Variants in ZNF423 observed in about 807,000 individuals in gnomAD.
ZNF423 encodes Ebf-associated zinc finger protein.
In ZNF423, 12 loss-of-function variants were observed where a neutral mutation model predicts 95.8. That is an observed-to-expected ratio of 0.13 (90% CI 0.08 to 0.20). ZNF423 has a LOEUF of 0.20. Ranked by LOEUF, ZNF423 falls within the 10% of genes least tolerant of loss-of-function variation. The pLI, the probability that ZNF423 is intolerant of heterozygous loss-of-function variation, is 1.00. For synonymous variants in ZNF423, 749 were observed against 711.9 expected, an observed-to-expected ratio of 1.05 and a Z score of -0.83; for missense variants, 1,316 against 1,737.1, an observed-to-expected ratio of 0.76 and a Z score of 4.31.
intron 3 of ZNF423, among the ~76,000 whole-genome samples, chr16:49,680,090 C>T (rs894803048): frequency 3.9e-5 from 6 of 152,300 alleles, no homozygotes; most frequent in African/African-American, 1.4e-4. Flanking sequence ...AGGATCTACC[C>T]ACTGCGGTCT....
Position 49,855,025 on chromosome 16 carries a change from C to G in ZNF423, c.40+710G>C. The stretch of plus-strand genomic sequence containing the variant: ...GCTGAGCTCCCCTGAGGACCTGCGT[C>G]CCGCCGGCGCCGTGCAGACAATGAA... On this transcript the variant is annotated intron_variant, in intron 1 of 7. Transcript: ENST00000563137. This position sits in a 1 kb window ranked among gnomAD's most constrained non-coding sequence, Gnocchi z 4.7. The G allele has an allele frequency of 1.0e-6, 1 of 984,872 alleles. No individual in the cohort carries two copies. Among genetic ancestry groups the G allele is most frequent in the Non-Finnish European group, 1.2e-6 (1 of 829,668 alleles). 61.0% of individuals were successfully genotyped at this position (984,872 alleles called of 1,614,324 possible).
intron 5 of ZNF423, among the ~76,000 whole-genome samples, chr16:49,538,933 T>C (rs1296409918): frequency 6.6e-6 from 1 of 152,238 alleles, no homozygotes; most frequent in South Asian, 2.1e-4. Flanking sequence ...TAATACATTA[T>C]CTGAGGATGA....
At chr16:49,858,556 C>A (rs1201227627), upstream of ZNF423, among the ~76,000 whole-genome samples, 1 of 152,146 alleles carries the variant, frequency 6.6e-6, no homozygotes. The surrounding 1 kb of genome is among the most constrained non-coding windows in gnomAD (Gnocchi z 4.3). Context: ...GAGCGAGGCT[C>A]CCCAGAGGGG....
chr16:49,673,098 C>G (rs984002131), intron 3 of ZNF423, among the ~76,000 whole-genome samples: 4 of 152,142 alleles, frequency 2.6e-5, no homozygotes, highest in Admixed American at 2.6e-4. Flanking sequence ...TAATTACTCC[C>G]TACCTGACAC....
intron 5 of ZNF423, among the ~76,000 whole-genome samples, chr16:49,559,076 C>T (rs147264313): frequency 0.014 from 2,120 of 152,318 alleles, 24 homozygotes; most frequent in Admixed American, 0.02. Context: ...GTCAGCTGCC[C>T]CTTCCACCTT....
chr16:49,686,459 C>A (rs1040748250), intron 3 of ZNF423, among the ~76,000 whole-genome samples: 2 of 152,122 alleles, frequency 1.3e-5, no homozygotes, highest in African/African-American at 2.4e-5. Context: ...GTACAAAAAC[C>A]TTCTGGCCCT....
At chr16:49,614,246 G>A (rs1183376766) in intron 5 of ZNF423, among the ~76,000 whole-genome samples, 1 of 152,218 alleles carries the variant, frequency 6.6e-6, no homozygotes, top group Non-Finnish European at 1.5e-5. Context: ...AGCACAATGA[G>A]ATATCACAAT....
chr16:49,701,588 A>G (rs916643862), intron 3 of ZNF423, among the ~76,000 whole-genome samples: 4 of 152,030 alleles, frequency 2.6e-5, no homozygotes, highest in African/African-American at 9.7e-5. Context: ...AAGAGGGGAG[A>G]CCCAGGAGAG....
intron 3 of ZNF423, among the ~76,000 whole-genome samples, chr16:49,660,372 G>C (rs2030145142): frequency 6.7e-6 from 1 of 149,106 alleles, no homozygotes. Flanking sequence ...AATTCAGAAT[G>C]AGAAAATGAG....
intron 5 of ZNF423, among the ~76,000 whole-genome samples, chr16:49,556,632 T>G (rs1448441229): frequency 6.6e-6 from 1 of 152,198 alleles, no homozygotes. Flanking sequence ...AAACAAGAGT[T>G]CAGCCACTGG....
At chr16:49,628,295 CA>C (rs1972377928) in intron 4 of ZNF423, among the ~76,000 whole-genome samples, 1 of 151,614 alleles carries the variant, frequency 6.6e-6, no homozygotes. Flanking sequence ...TACACACACA[CA>C]TACCCATCTA....
At chr16:49,744,243 G>A (rs565727555) in intron 2 of ZNF423, among the ~76,000 whole-genome samples, 1 of 152,380 alleles carries the variant, frequency 6.6e-6, no homozygotes, top group East Asian at 1.9e-4. Context: ...GCAAGGCACA[G>A]AACAAAGCCA....
At chr16:49,854,207 A>C (rs900661577) in intron 1 of ZNF423, 13 of 985,274 alleles carry the variant, frequency 1.3e-5, no homozygotes, top group Non-Finnish European at 1.6e-5. Context: ...GAGACCAGCC[A>C]GGGTGAGGCG....
At chr16:49,659,237 C>T (rs1015754362) in intron 3 of ZNF423, among the ~76,000 whole-genome samples, 8 of 152,148 alleles carry the variant, frequency 5.3e-5, no homozygotes, top group Admixed American at 2.6e-4. Flanking sequence ...TACAGGTGTG[C>T]CACCACTCCT....
chr16:49,756,085 G>C (rs143243492), intron 2 of ZNF423, among the ~76,000 whole-genome samples: 124 of 152,312 alleles, frequency 8.1e-4, no homozygotes, highest in African/African-American at 2.6e-3. Context: ...CTGGAGGTTT[G>C]TGAGTGAGGG....
At chr16:49,827,616 G>A (rs542319764) in intron 1 of ZNF423, among the ~76,000 whole-genome samples, 16 of 152,052 alleles carry the variant, frequency 1.1e-4, no homozygotes, top group South Asian at 4.2e-4. Context: ...CCTGGGCTCC[G>A]GCAATTCTCT....
intron 1 of ZNF423, among the ~76,000 whole-genome samples, chr16:49,848,340 C>T (rs2035267026): frequency 6.6e-6 from 1 of 152,146 alleles, no homozygotes; most frequent in African/African-American, 2.4e-5. Flanking sequence ...CCACCCTTTC[C>T]CCAAACAAAG....
intron 3 of ZNF423, among the ~76,000 whole-genome samples, chr16:49,677,528 T>A (rs1295982670): frequency 6.6e-6 from 1 of 152,018 alleles, no homozygotes; most frequent in Non-Finnish European, 1.5e-5. Flanking sequence ...CAGTAGCACA[T>A]GCCTATAATC....
Position 49,733,394 on chromosome 16 carries a change from G to A in ZNF423, c.101-2423C>T, listed in dbSNP as rs536227175. 1.2e-4 allele frequency among the ~76,000 whole-genome samples: 18 copies of A among 152,132 alleles called. No homozygotes were observed. The East Asian group carries it at 3.5e-3, about 29-fold the overall frequency. ...CGTTATTTTTTTGCCGTATTTACTT[G>A]GCAGCACTTTCTATAATAGCTCATC... On this transcript the variant is annotated intron_variant, in intron 2 of 7. Coordinates refer to ENST00000563137, the MANE Select transcript of ZNF423 (RefSeq NM_001379286.1).
Sources: gnomAD v4.1 joint callset for allele counts (sites outside exome capture counted in the v4.1 genomes callset) on GRCh38, gnomAD v4.1.1 for gene constraint, Gnocchi (gnomAD v3.1) non-coding constraint, MANE v1.5 for transcripts, NCBI Gene and HGNC (gene_info 2026-07-23, HGNC 2026-07-21) for gene names.